Variants in SEPTIN14 observed in about 807,000 individuals in gnomAD.
SEPTIN14 encodes the protein septin-14.
In SEPTIN14, 40 loss-of-function variants were observed where a neutral mutation model predicts 53.6. The ratio of observed to expected loss-of-function variants is 0.75; its 90% CI spans 0.58 to 0.97. The LOEUF is 0.97. Among genes scored for constraint, SEPTIN14 ranks in the 50% least tolerant of loss-of-function variants. SEPTIN14 has a pLI of 0.00. For missense variants in SEPTIN14, 471 were observed against 508.2 expected (o/e 0.93, Z 0.70); for synonymous variants, 138 against 166.8 (o/e 0.83, Z 1.33).
chr7:55,802,159 C>A (rs1413938110), intron 9 of SEPTIN14, among the ~76,000 whole-genome samples: 4 of 151,958 alleles, frequency 2.6e-5, no homozygotes, highest in Non-Finnish European at 5.9e-5. Context: ...CGCACACCAC[C>A]ACGCCCGGCT....
chr7:55,833,146 C>T (rs1204891754), intron 6 of SEPTIN14, among the ~76,000 whole-genome samples: 3 of 151,698 alleles, frequency 2.0e-5, no homozygotes, highest in African/African-American at 7.3e-5. Context: ...AAACCCCATC[C>T]TACTAAAAAT....
intron 8 of SEPTIN14, among the ~76,000 whole-genome samples, chr7:55,805,830 C>T (rs1788602442): frequency 6.6e-6 from 1 of 152,092 alleles, no homozygotes; most frequent in Non-Finnish European, 1.5e-5. Context: ...TCAGGGAAAC[C>T]TCTAATGTAT....
chr7:55,853,569 A>G (rs1453595791), intron 2 of SEPTIN14, among the ~76,000 whole-genome samples: 1 of 152,180 alleles, frequency 6.6e-6, no homozygotes, highest in African/African-American at 2.4e-5. Flanking sequence ...TAATGGGTAC[A>G]AGGATATAGT....
intron 2 of SEPTIN14, among the ~76,000 whole-genome samples, chr7:55,851,896 A>C (rs985429019): frequency 2.6e-5 from 4 of 152,148 alleles, no homozygotes; most frequent in Middle Eastern, 3.2e-3. Flanking sequence ...TAATCCCAGC[A>C]CTTTGGGAGG....
chr7:55,844,737 C>A lies in SEPTIN14; in HGVS notation c.176-19G>T. 3 of 1,435,910 alleles carry A rather than the reference C, an allele frequency of 2.1e-6. No homozygotes were observed. In the South Asian group the frequency reaches 4.2e-5, roughly 20 times the overall value. The allele number at this position is 1,435,910 out of a possible 1,614,324, so 88.9% of individuals were successfully genotyped here. A position where few individuals can be genotyped will look rare whatever the true frequency, so the allele number is the denominator to read the frequency against. ...GTCTCCCCTGTAATAGACATAGAGT[C>A]ATTGTCATAGGGACATAAAGGGGCT... is the stretch of plus-strand genomic sequence containing the variant. On this transcript the variant is annotated intron_variant, in intron 3 of 9. Coordinates refer to ENST00000388975, the MANE Select transcript of SEPTIN14 (RefSeq NM_207366.3).
At chr7:55,816,051 C>G (rs1163685019) in intron 7 of SEPTIN14, among the ~76,000 whole-genome samples, 1 of 152,156 alleles carries the variant, frequency 6.6e-6, no homozygotes, top group African/African-American at 2.4e-5. Flanking sequence ...TTTGCAACAA[C>G]ATGGATGGAA....
intron 2 of SEPTIN14, among the ~76,000 whole-genome samples, chr7:55,855,146 C>G (rs1249840022): frequency 6.6e-6 from 1 of 151,872 alleles, no homozygotes; most frequent in Non-Finnish European, 1.5e-5. Context: ...GTAGCTGGGA[C>G]TACAGGCGCC....
chr7:55,840,231 G>A (rs1789285211), intron 5 of SEPTIN14, among the ~76,000 whole-genome samples: 2 of 150,992 alleles, frequency 1.3e-5, no homozygotes, highest in South Asian at 4.2e-4. Context: ...ACTCACGCCT[G>A]TAATCCCAAC....
At chr7:55,806,051 C>G (rs1340270546) in intron 8 of SEPTIN14, among the ~76,000 whole-genome samples, 3 of 152,040 alleles carry the variant, frequency 2.0e-5, no homozygotes. Flanking sequence ...GACTGGAGTG[C>G]AGTGGCACGA....
At chr7:55,835,887 T>C (rs35458508) in intron 5 of SEPTIN14, among the ~76,000 whole-genome samples, 2 of 151,918 alleles carry the variant, frequency 1.3e-5, no homozygotes, top group African/African-American at 4.8e-5. Context: ...GGATTACAGG[T>C]GCCCGCCACC....
chr7:55,797,383 A>G (rs1376304637), intron 9 of SEPTIN14, among the ~76,000 whole-genome samples: 1 of 152,202 alleles, frequency 6.6e-6, no homozygotes, highest in East Asian at 1.9e-4. Flanking sequence ...AAAGTCAAAG[A>G]TTTTTTAAAA....
chr7:55,851,471 G>T (rs950093799), intron 2 of SEPTIN14, among the ~76,000 whole-genome samples: 3 of 151,144 alleles, frequency 2.0e-5, no homozygotes, highest in African/African-American at 7.3e-5. Context: ...ATATAAAAAA[G>T]ATTATAGATT....
chr7:55,826,176 G>A (rs1019118220), intron 6 of SEPTIN14, among the ~76,000 whole-genome samples: 1 of 151,582 alleles, frequency 6.6e-6, no homozygotes, highest in Non-Finnish European at 1.5e-5. Context: ...CTTTTTGGGG[G>A]GTGAGAACAT....
At chr7:55,862,226 T>C (rs1789761681) in intron 1 of SEPTIN14, among the ~76,000 whole-genome samples, 1 of 152,156 alleles carries the variant, frequency 6.6e-6, no homozygotes, top group Admixed American at 6.6e-5. Context: ...TGTAGAGTAA[T>C]ACATTTAACC....
chr7:55,839,598 T>C (rs552520358), intron 5 of SEPTIN14, among the ~76,000 whole-genome samples: 2 of 152,156 alleles, frequency 1.3e-5, no homozygotes, highest in South Asian at 4.2e-4. Context: ...TATGTATGCA[T>C]AGAAAAAAAC....
chr7:55,853,174 C>G (rs1279133805), intron 2 of SEPTIN14, among the ~76,000 whole-genome samples: 1 of 152,158 alleles, frequency 6.6e-6, no homozygotes, highest in African/African-American at 2.4e-5. Context: ...AATCCCACTG[C>G]TAGGTATATA....
rs370108591 is a variant in SEPTIN14, at chr7:55,846,613, A to G, written c.79T>C (p.Leu27=). 3.9e-4 allele frequency: 584 copies of G among 1,486,094 alleles called. 1 individual carries two copies. Among genetic ancestry groups the G allele is most frequent in the Non-Finnish European group, 5.3e-4 (569 of 1,070,056 alleles). The allele number at this position is 1,486,094 out of a possible 1,614,324, so 92.1% of individuals were successfully genotyped here. Residue 27 remains leucine, a synonymous_variant, in exon 3 of 10, where the codon TTA becomes CTA. Transcript: ENST00000388975. ...AAACCAAAATGTCCAATCGTAGTTA[A>G]ACAACGAATATTATTTTCTTTTTGC... is the stretch of plus-strand genomic sequence containing the variant. ...DTQKENNIRC[L]TTIGHFGFEC... is the part of the protein sequence containing the mutation.
At chr7:55,823,631 G>A (rs891702749) in intron 6 of SEPTIN14, among the ~76,000 whole-genome samples, 1 of 152,214 alleles carries the variant, frequency 6.6e-6, no homozygotes, top group African/African-American at 2.4e-5. Flanking sequence ...GCAAGGCCCA[G>A]GTGGGGGTGT....
intron 6 of SEPTIN14, among the ~76,000 whole-genome samples, chr7:55,825,026 C>T (rs1173828657): frequency 1.3e-5 from 2 of 152,120 alleles, no homozygotes; most frequent in Non-Finnish European, 2.9e-5. Context: ...AACTTGCGTC[C>T]ATACAAAAGC....
Sources: allele counts gnomAD v4.1 joint callset (sites outside exome capture counted in the v4.1 genomes callset), GRCh38; gene constraint gnomAD v4.1.1; transcripts MANE v1.5; gene names NCBI Gene and HGNC (gene_info 2026-07-23, HGNC 2026-07-21).